PTPRA: variants seen among roughly 807,000 people sequenced by gnomAD.
PTPRA encodes receptor-type tyrosine-protein phosphatase alpha.
In PTPRA, 25 loss-of-function variants were observed where a neutral mutation model predicts 104.8. That is an observed-to-expected ratio of 0.24 (90% CI 0.17 to 0.33). The LOEUF (loss-of-function observed/expected upper bound fraction) is 0.33, where lower values mean the gene tolerates loss of function less well. PTPRA is among the 10% of genes least tolerant of loss of function. The pLI is 1.00. For missense variants in PTPRA, 765 were observed against 1,015.3 expected, an observed-to-expected ratio of 0.75 and a Z score of 3.35; for synonymous variants, 323 against 368.9, an observed-to-expected ratio of 0.88 and a Z score of 1.43.
chr20:3,018,210 G>A (rs1188973167), intron 13 of PTPRA, among the ~76,000 whole-genome samples: 1 of 151,922 alleles, frequency 6.6e-6, no homozygotes, highest in Non-Finnish European at 1.5e-5. Context: ...GGTTTTTTTT[G>A]TTGTTGTTTT....
chr20:2,987,140 C>T (rs1417348849), intron 7 of PTPRA, among the ~76,000 whole-genome samples: 4 of 152,096 alleles, frequency 2.6e-5, no homozygotes, highest in Non-Finnish European at 5.9e-5. Context: ...AGGTAAGAAA[C>T]CGCAGTTTGT....
chr20:2,935,685 C>T (rs2147573335), intron 2 of PTPRA, among the ~76,000 whole-genome samples: 1 of 152,274 alleles, frequency 6.6e-6, no homozygotes, highest in East Asian at 1.9e-4. Context: ...TTCGCTACTA[C>T]AGGCACATGC....
At chr20:2,926,337 A>G (rs6051476) in intron 2 of PTPRA, among the ~76,000 whole-genome samples, 4,098 of 152,264 alleles carry the variant, frequency 0.027, 171 homozygotes, top group African/African-American at 0.081. Flanking sequence ...AATCTGTTCT[A>G]TGATTTTCTT....
intron 20 of PTPRA, among the ~76,000 whole-genome samples, chr20:3,033,436 T>C (rs542482645): frequency 6.6e-6 from 1 of 151,956 alleles, no homozygotes; most frequent in Non-Finnish European, 1.5e-5. Context: ...GAACAAGCCC[T>C]CGTCTCTCAC....
intron 1 of PTPRA, among the ~76,000 whole-genome samples, chr20:2,922,816 G>A (rs575687750): frequency 2.4e-4 from 36 of 151,344 alleles, no homozygotes; most frequent in African/African-American, 7.8e-4. Flanking sequence ...TGTATTTTTA[G>A]TAGATGCAGG....
At chr20:2,884,200 A>T (rs2090239393) in intron 1 of PTPRA, among the ~76,000 whole-genome samples, 1 of 152,156 alleles carries the variant, frequency 6.6e-6, no homozygotes, top group Non-Finnish European at 1.5e-5. Flanking sequence ...TGCTGTGAAC[A>T]TTCATGTATA....
At chr20:2,908,773 T>C (rs1213820169) in intron 1 of PTPRA, among the ~76,000 whole-genome samples, 1 of 152,124 alleles carries the variant, frequency 6.6e-6, no homozygotes, top group Non-Finnish European at 1.5e-5. Context: ...AACATGACAT[T>C]CAAAGTGCAT....
At chr20:2,949,348 C>T (rs1205983865) in intron 3 of PTPRA, among the ~76,000 whole-genome samples, 7 of 147,506 alleles carry the variant, frequency 4.7e-5, no homozygotes, top group East Asian at 2.0e-4. Context: ...GATGTTTTCT[C>T]GCTTTGTCAC....
intron 11 of PTPRA, among the ~76,000 whole-genome samples, chr20:3,011,724 T>C (rs750074935): frequency 6.6e-6 from 1 of 152,234 alleles, no homozygotes; most frequent in African/African-American, 2.4e-5. Flanking sequence ...TTGCAGACTA[T>C]AGAGTGTACT....
At chr20:3,026,851 C>G in intron 18 of PTPRA, 71 bp downstream of exon 18, 1 of 1,276,710 alleles carries the variant, frequency 7.8e-7, no homozygotes, top group Non-Finnish European at 1.1e-6. Flanking sequence ...TTCCATTTCT[C>G]AGGTACTAGT....
At chr20:2,898,988 T>C (rs1007900462) in intron 1 of PTPRA, among the ~76,000 whole-genome samples, 2 of 152,246 alleles carry the variant, frequency 1.3e-5, no homozygotes, top group African/African-American at 4.8e-5. Context: ...CACTACTAGA[T>C]ATGTTCTTTC....
At chr20:3,007,157 C>G (rs1217286986) in intron 10 of PTPRA, among the ~76,000 whole-genome samples, 187 bp from the exon 11 acceptor site, 7 of 152,254 alleles carry the variant, frequency 4.6e-5, no homozygotes, top group South Asian at 4.1e-4. Context: ...AACTAGTCCC[C>G]TAATGATACT....
intron 1 of PTPRA, among the ~76,000 whole-genome samples, chr20:2,922,139 C>T (rs2060120786): frequency 6.6e-6 from 1 of 152,082 alleles, no homozygotes; most frequent in Non-Finnish European, 1.5e-5. Context: ...GTGGCATAGT[C>T]CAAGTTTTGG....
chr20:2,968,175 T>C (rs900356140), intron 5 of PTPRA, among the ~76,000 whole-genome samples: 1 of 152,204 alleles, frequency 6.6e-6, no homozygotes, highest in African/African-American at 2.4e-5. Context: ...GGAGGCAAAT[T>C]GCATCCTTAC....
chr20:3,017,111 C>T (rs1190813864), intron 12 of PTPRA, among the ~76,000 whole-genome samples: 1 of 152,154 alleles, frequency 6.6e-6, no homozygotes. Flanking sequence ...TCCTCCCAAA[C>T]TCTTTACCAG....
At chr20:2,957,146 G>A (rs551077519) in intron 3 of PTPRA, among the ~76,000 whole-genome samples, 34 of 152,272 alleles carry the variant, frequency 2.2e-4, no homozygotes, top group Non-Finnish European at 2.4e-4. Context: ...TTATCCAGGC[G>A]TGGTGGCGGG....
chr20:2,865,882 G>T, the PTPRA span: 2 of 469,202 alleles, frequency 4.3e-6, no homozygotes, highest in Non-Finnish European at 7.8e-6. This position sits in a 1 kb window ranked among gnomAD's most constrained non-coding sequence, Gnocchi z 5.2. Flanking sequence ...TATAGGGCAG[G>T]TTTGAGAATG....
At chr20:2,955,377 C>G (rs759262997) in intron 3 of PTPRA, among the ~76,000 whole-genome samples, 14 of 152,216 alleles carry the variant, frequency 9.2e-5, no homozygotes, top group Non-Finnish European at 1.8e-4. Context: ...AGGTCCCCAA[C>G]TGAATCTTGT....
intron 11 of PTPRA, 70 bp from the exon 12 acceptor site, chr20:3,015,779 A>C: frequency 7.4e-7 from 1 of 1,343,758 alleles, no homozygotes; most frequent in Non-Finnish European, 1.1e-6. Context: ...GGTTGGAGTC[A>C]GACTGGAGAA....
Sources: gnomAD v4.1 joint callset for allele counts (sites outside exome capture counted in the v4.1 genomes callset) on GRCh38, gnomAD v4.1.1 for gene constraint, Gnocchi (gnomAD v3.1) non-coding constraint, MANE v1.5 for transcripts, NCBI Gene and HGNC (gene_info 2026-07-23, HGNC 2026-07-21) for gene names.